NCBP1: variants seen among roughly 807,000 people sequenced by gnomAD.
NCBP1 encodes the protein nuclear cap-binding protein subunit 1.
NCBP1 carries 16 observed loss-of-function variants against 111.7 expected under a neutral mutation model. The ratio of observed to expected loss-of-function variants is 0.14; its 90% CI spans 0.10 to 0.22. The LOEUF is 0.22. Ranked by LOEUF, NCBP1 falls within the 10% of genes least tolerant of loss-of-function variation. NCBP1 has a pLI of 1.00. For synonymous variants in NCBP1, 304 were observed against 314.3 expected (o/e 0.97, Z 0.35); for missense variants, 607 against 957.5 (o/e 0.63, Z 4.83).
intron 5 of NCBP1, 72 bp downstream of exon 5, chr9:97,645,296 T>A (rs1433787571): frequency 8.4e-7 from 1 of 1,187,822 alleles, no homozygotes. Context: ...TTCCATATAG[T>A]ACCAGGAATT....
intron 8 of NCBP1, among the ~76,000 whole-genome samples, chr9:97,650,072 G>A (rs917616528): frequency 1.3e-5 from 2 of 152,134 alleles, no homozygotes; most frequent in Non-Finnish European, 2.9e-5. Flanking sequence ...TATGTTTTGA[G>A]CTTAGACAGT....
intron 1 of NCBP1, among the ~76,000 whole-genome samples, chr9:97,640,234 C>T (rs1037352605): frequency 5.9e-5 from 9 of 152,146 alleles, no homozygotes; most frequent in Non-Finnish European, 1.2e-4. Context: ...ATGTTTTATG[C>T]TCCTTTTTCC....
At chr9:97,665,717 T>TG (rs1827976302) in intron 19 of NCBP1, among the ~76,000 whole-genome samples, 1 of 152,196 alleles carries the variant, frequency 6.6e-6, no homozygotes. Flanking sequence ...AGTTCACCCT[T>TG]GAACAACAAC....
chr9:97,636,846 G>C (rs1827056490), intron 1 of NCBP1, among the ~76,000 whole-genome samples: 1 of 151,886 alleles, frequency 6.6e-6, no homozygotes, highest in Non-Finnish European at 1.5e-5. Flanking sequence ...ACCAGGTAAA[G>C]AGGGGAGAGA....
rs778806351 is a variant in NCBP1, at chr9:97,645,655, C to T, written c.534C>T (p.Pro178=). The change falls in exon 6 of 23, where the codon CCC becomes CCT. Residue 178 remains proline, a synonymous_variant. Coordinates refer to ENST00000375147, the MANE Select transcript of NCBP1 (RefSeq NM_002486.5). ...WYVYAFLSSL[P]WVGKELYEKK... is the part of the protein sequence containing the mutation. ...TGTATGCATTTCTGTCATCTTTGCCCTGGGTTGGAAAGGAGTTGTACGAAA... is the reference window on the plus strand; with the variant it reads ...TGTATGCATTTCTGTCATCTTTGCCTTGGGTTGGAAAGGAGTTGTACGAAA... 8 of 1,613,960 alleles carry T rather than the reference C, an allele frequency of 5.0e-6. No homozygotes were observed. The highest frequency in any genetic ancestry group is 6.8e-6 in the Non-Finnish European group (8 of 1,179,910).
chr9:97,657,926 A>ATAT lies in NCBP1; in HGVS notation c.1374-713_1374-712insATT, dbSNP rs1199195156. Among the ~76,000 whole-genome samples the ATAT allele has an allele frequency of 5.0e-3, 461 of 91,410 alleles. 2 individuals are homozygous for ATAT. Among genetic ancestry groups the ATAT allele is most frequent in the Non-Finnish European group, 7.3e-3 (333 of 45,526 alleles). The allele number at this position is 91,410 out of a possible 152,430, so 60.0% of individuals were successfully genotyped here. On this transcript the variant is annotated intron_variant, in intron 14 of 22. Transcript: ENST00000375147. ...TCTCTCTATATATATATATATATAT[A>ATAT]TTTTTTTTTTTTTTTTTAACGTCCC...
chr9:97,633,943 G>A, intron 1 of NCBP1, 28 bp downstream of exon 1: 1 of 1,568,770 alleles, frequency 6.4e-7, no homozygotes, highest in South Asian at 1.2e-5. Flanking sequence ...GGCCACGGAG[G>A]CCGCTCCCGG....
At chr9:97,655,031 A>G in intron 12 of NCBP1, 87 bp downstream of exon 12, 4 of 1,172,630 alleles carry the variant, frequency 3.4e-6, no homozygotes, top group Non-Finnish European at 4.7e-6. Context: ...CATTTTTAAG[A>G]ATTTCCATGT....
At chr9:97,636,737 C>A (rs1827052808) in intron 1 of NCBP1, among the ~76,000 whole-genome samples, 1 of 147,354 alleles carries the variant, frequency 6.8e-6, no homozygotes, top group South Asian at 2.1e-4. Context: ...TGCCATACAG[C>A]AGTGGACAAT....
chr9:97,645,285 C>T, intron 5 of NCBP1, 61 bp downstream of exon 5: 1 of 1,298,612 alleles, frequency 7.7e-7, no homozygotes, highest in South Asian at 1.2e-5. Flanking sequence ...AATCCTGGTA[C>T]TTCCATATAG....
In NCBP1 at chr9:97,645,137, T is replaced by C. The variant is rs774491203; in HGVS notation, c.402T>C (p.Leu134=). Residue 134 remains leucine, a synonymous_variant, in exon 5 of 23, where the codon CTT becomes CTC. Coordinates refer to ENST00000375147, the MANE Select transcript of NCBP1 (RefSeq NM_002486.5). ...AVYLVRFLSD[L]VNCHVIAAPS... is the part of the protein sequence containing the mutation. ...AACAGGTCCGTTTTTTATCTGATCTTGTGAATTGTCATGTGATTGCCGCCC... is the reference window on the plus strand; with the variant it reads ...AACAGGTCCGTTTTTTATCTGATCTCGTGAATTGTCATGTGATTGCCGCCC... The C allele has an allele frequency of 6.2e-7, 1 of 1,613,404 alleles. No homozygotes were observed. The highest frequency in any genetic ancestry group is 8.5e-7 in the Non-Finnish European group (1 of 1,179,504).
At chr9:97,670,596 G>C (rs1828159245) in intron 22 of NCBP1, among the ~76,000 whole-genome samples, 1 of 152,210 alleles carries the variant, frequency 6.6e-6, no homozygotes, top group Non-Finnish European at 1.5e-5. Context: ...GTTACTGCCA[G>C]TTTTAAAAGC....
intron 4 of NCBP1, among the ~76,000 whole-genome samples, chr9:97,644,613 A>T (rs1827284821): frequency 6.6e-6 from 1 of 152,190 alleles, no homozygotes; most frequent in East Asian, 1.9e-4. Flanking sequence ...CCCAATAAAT[A>T]TGTGTTCTGT....
rs1297754470 is a variant in NCBP1, at chr9:97,643,217, C to A, written c.238C>A (p.Pro80Thr). The stretch of plus-strand genomic sequence containing the variant: ...TTCTTAAATCAGTGCACGCCTATTA[C>A]CTGAGAAGCTGACAATTTATACAAC... ...RLLCTVARLLPEKLTIYTTLV... is the reference protein window; with the variant it reads ...RLLCTVARLLTEKLTIYTTLV... Residue 80 changes from proline to threonine, a missense_variant, in exon 4 of 23, where the codon CCT becomes ACT. Transcript: ENST00000375147. 3.1e-6 allele frequency: 5 copies of A among 1,607,494 alleles called. No homozygotes were observed. Among genetic ancestry groups the A allele is most frequent in the Non-Finnish European group, 4.2e-6 (5 of 1,178,264 alleles).
intron 14 of NCBP1, among the ~76,000 whole-genome samples, chr9:97,657,702 T>C (rs914061087): frequency 2.6e-5 from 4 of 152,168 alleles, no homozygotes; most frequent in Non-Finnish European, 4.4e-5. Context: ...TCCATTATTT[T>C]TTCTACATTT....
chr9:97,645,050 A>T, intron 4 of NCBP1, 67 bp from the exon 5 acceptor site: 1 of 1,210,498 alleles, frequency 8.3e-7, no homozygotes, highest in Non-Finnish European at 1.2e-6. Flanking sequence ...CCTATACAAG[A>T]TTGCTTATTT....
chr9:97,640,127 AC>A (rs1827165505), intron 1 of NCBP1, among the ~76,000 whole-genome samples: 1 of 152,154 alleles, frequency 6.6e-6, no homozygotes, highest in African/African-American at 2.4e-5. Flanking sequence ...TTTAGGATAA[AC>A]TATACCGTTG....
At chr9:97,641,714 T>A (rs1257373020) in intron 3 of NCBP1, 52 bp downstream of exon 3, 3 of 1,463,992 alleles carry the variant, frequency 2.0e-6, no homozygotes, top group Non-Finnish European at 2.8e-6. Flanking sequence ...TATCTACTCT[T>A]AAATGCTTTG....
Position 97,640,867 on chromosome 9 carries a change from T to C in NCBP1, c.108T>C (p.Cys36=), listed in dbSNP as rs2131333834. The change falls in exon 2 of 23, where the codon TGT becomes TGC. Residue 36 remains cysteine, a synonymous_variant. Transcript: ENST00000375147. ...AAGATCATTTGGAATCTTTAATATG[T>C]AAAGTAGGAGAAAAGGTATGTCACA... The part of the protein sequence containing the change: ...ETEDHLESLI[C]KVGEKSACSL... 6.2e-7 allele frequency: 1 copy of C among 1,606,312 alleles called. No homozygotes were observed. The highest frequency in any genetic ancestry group is 1.3e-5 in the African/African-American group (1 of 74,562).
Sources: allele counts gnomAD v4.1 joint callset (sites outside exome capture counted in the v4.1 genomes callset), GRCh38; gene constraint gnomAD v4.1.1; transcripts MANE v1.5; gene names NCBI Gene and HGNC (gene_info 2026-07-23, HGNC 2026-07-21).